DLGAP2: variants seen among roughly 807,000 people sequenced by gnomAD.
DLGAP2 encodes the protein DLG associated protein 2, also known as disks large-associated protein 2.
In DLGAP2, 26 loss-of-function variants were observed where a neutral mutation model predicts 100.3. The ratio of observed to expected loss-of-function variants is 0.26; its 90% confidence interval spans 0.19 to 0.36. The LOEUF (loss-of-function observed/expected upper bound fraction) is 0.36, where lower values mean the gene tolerates loss of function less well. DLGAP2 is among the 10% of genes least tolerant of loss of function. The probability of loss-of-function intolerance (pLI) is 1.00; values close to 1 mark genes in which losing one functional copy is unlikely to be tolerated. For missense variants in DLGAP2, 1,858 were observed against 1,453.2 expected (o/e 1.28, Z -4.53); for synonymous variants, 886 against 630.1 (o/e 1.41, Z -6.08).
chr8:1,663,428 TG>T (rs1297387656), intron 8 of DLGAP2, among the ~76,000 whole-genome samples: 5 of 152,112 alleles, frequency 3.3e-5, no homozygotes, highest in African/African-American at 1.2e-4. Context: ...CTTCTCTGGA[TG>T]CTTATCTCCG....
At position 742,529 on chromosome 8, in the gene DLGAP2, G is replaced by T. The variant is rs536522026; in HGVS notation, c.18+4704G>T. On this transcript the variant is annotated intron_variant, in intron 1 of 14. Transcript: ENST00000637795. The stretch of plus-strand genomic sequence containing the variant: ...ACAGCATTGCAAGTGGCTTTTTAGA[G>T]ACAGGGTCTCCCTCTGTCACCCAGG... Among the ~76,000 whole-genome samples the T allele has an allele frequency of 6.6e-5, 10 of 152,332 alleles. No individual in the cohort carries two copies. In the South Asian group the frequency reaches 2.1e-3, roughly 32 times the overall value.
chr8:1,000,867 G>A (rs1800935666), intron 2 of DLGAP2, among the ~76,000 whole-genome samples: 1 of 152,088 alleles, frequency 6.6e-6, no homozygotes, highest in Admixed American at 6.5e-5. Context: ...GGGGGGAGAG[G>A]AGAGGGAGAC....
At chr8:1,388,956 A>G (rs1796282400) in intron 3 of DLGAP2, among the ~76,000 whole-genome samples, 1 of 135,174 alleles carries the variant, frequency 7.4e-6, no homozygotes, top group Non-Finnish European at 1.6e-5. Flanking sequence ...GGGCTGTGAG[A>G]GGCAGAGGCC....
At chr8:1,693,342 A>G (rs930232956) in intron 13 of DLGAP2, among the ~76,000 whole-genome samples, 66 of 150,394 alleles carry the variant, frequency 4.4e-4, no homozygotes, top group African/African-American at 1.6e-3. Context: ...TTACATATAC[A>G]TGTTAATATA....
At chr8:1,317,320 T>G (rs1238324685) in intron 3 of DLGAP2, among the ~76,000 whole-genome samples, 1 of 132,390 alleles carries the variant, frequency 7.6e-6, no homozygotes, top group Non-Finnish European at 1.6e-5. Context: ...ATAGAGGCTG[T>G]GCGAGTGCAG....
chr8:841,372 C>T (rs1282143039), intron 1 of DLGAP2, among the ~76,000 whole-genome samples: 1 of 152,146 alleles, frequency 6.6e-6, no homozygotes, highest in African/African-American at 2.4e-5. Flanking sequence ...GGCTCTGAGT[C>T]CTTGGGACAC....
chr8:1,579,600 A>C (rs982641904), intron 6 of DLGAP2, among the ~76,000 whole-genome samples: 8 of 152,288 alleles, frequency 5.3e-5, no homozygotes, highest in Admixed American at 6.5e-5. Context: ...ATAAAGAAAA[A>C]AATGAATGAC....
At chr8:892,668 G>A (rs1798060133) in intron 1 of DLGAP2, among the ~76,000 whole-genome samples, 1 of 152,196 alleles carries the variant, frequency 6.6e-6, no homozygotes, top group East Asian at 1.9e-4. Flanking sequence ...TGTGCTGGAA[G>A]CACAGTTCCG....
chr8:769,149 G>C (rs1821292132), intron 1 of DLGAP2, among the ~76,000 whole-genome samples: 1 of 152,082 alleles, frequency 6.6e-6, no homozygotes, highest in Non-Finnish European at 1.5e-5. Flanking sequence ...AAGAAAATCA[G>C]CTCAGAAACC....
intron 1 of DLGAP2, among the ~76,000 whole-genome samples, chr8:772,761 G>A (rs1325303134): frequency 6.6e-6 from 1 of 152,220 alleles, no homozygotes; most frequent in East Asian, 1.9e-4. Context: ...TGGCGCCCTG[G>A]CTCCAGCACA....
At chr8:1,332,820 C>T (rs750548243) in intron 3 of DLGAP2, among the ~76,000 whole-genome samples, 6 of 152,134 alleles carry the variant, frequency 3.9e-5, no homozygotes, top group African/African-American at 7.2e-5. Flanking sequence ...ATCAGATCAG[C>T]GTAGCCGGGA....
At chr8:1,168,150 C>A (rs915528106) in intron 2 of DLGAP2, among the ~76,000 whole-genome samples, 8 of 148,914 alleles carry the variant, frequency 5.4e-5, no homozygotes, top group African/African-American at 2.0e-4. Context: ...TTTGTTCTTG[C>A]CATAGTTTAC....
intron 1 of DLGAP2, among the ~76,000 whole-genome samples, chr8:804,971 A>G (rs184157887): frequency 1.3e-5 from 2 of 151,946 alleles, no homozygotes; most frequent in Non-Finnish European, 2.9e-5. Flanking sequence ...AGGTCTCCCT[A>G]TGTTGTCCAG....
At chr8:1,111,380 G>C (rs1005046479) in intron 2 of DLGAP2, among the ~76,000 whole-genome samples, 5 of 152,046 alleles carry the variant, frequency 3.3e-5, no homozygotes, top group Non-Finnish European at 5.9e-5. Flanking sequence ...GTGACCTTGG[G>C]CGTGTTTCTT....
At chr8:1,258,926 G>A (rs1346540067) in intron 3 of DLGAP2, 43 bp downstream of exon 3, 21 of 1,230,258 alleles carry the variant, frequency 1.7e-5, no homozygotes, top group African/African-American at 1.1e-4. Context: ...GGGGCCGCGC[G>A]GCTCACAGGT....
At chr8:862,537 C>G (rs150869072) in intron 1 of DLGAP2, among the ~76,000 whole-genome samples, 7 of 152,102 alleles carry the variant, frequency 4.6e-5, no homozygotes, top group Non-Finnish European at 1.0e-4. Flanking sequence ...CTCCTGACCT[C>G]GTGATCTGGC....
chr8:1,471,548 A>C (rs1798792689), intron 3 of DLGAP2, among the ~76,000 whole-genome samples: 1 of 122,296 alleles, frequency 8.2e-6, no homozygotes, highest in South Asian at 2.8e-4. Context: ...GCCTCCTCCT[A>C]ACCTCCTCTG....
At chr8:1,284,101 A>G (rs1275366489) in intron 3 of DLGAP2, among the ~76,000 whole-genome samples, 2 of 152,226 alleles carry the variant, frequency 1.3e-5, no homozygotes, top group Non-Finnish European at 2.9e-5. Flanking sequence ...CCCTGTCCTT[A>G]GAGCAGCAGG....
chr8:1,315,246 G>A (rs1337690172), intron 3 of DLGAP2, among the ~76,000 whole-genome samples: 1 of 151,626 alleles, frequency 6.6e-6, no homozygotes, highest in African/African-American at 2.4e-5. Context: ...CTCTCCAGCA[G>A]TGGTCTACAC....
Sources: allele counts gnomAD v4.1 joint callset (sites outside exome capture counted in the v4.1 genomes callset), GRCh38; gene constraint gnomAD v4.1.1; transcripts MANE v1.5; gene names NCBI Gene and HGNC (gene_info 2026-07-23, HGNC 2026-07-21).